LOXL2: variants seen among roughly 807,000 people sequenced by gnomAD.
LOXL2 encodes lysyl oxidase homolog 2.
In LOXL2, 70 loss-of-function variants were observed where a neutral mutation model predicts 93.0. That is an observed-to-expected ratio of 0.75 (90% CI 0.62 to 0.92). The LOEUF is 0.92. Ranked by LOEUF, LOXL2 falls within the 40% of genes least tolerant of loss-of-function variation. LOXL2 has a pLI of 0.00. For missense variants in LOXL2, 973 were observed against 1,054.9 expected (o/e 0.92, Z 1.08); for synonymous variants, 438 against 413.2 (o/e 1.06, Z -0.73).
At chr8:23,311,558 G>A (rs568835414) in intron 9 of LOXL2, among the ~76,000 whole-genome samples, 78 of 152,294 alleles carry the variant, frequency 5.1e-4, no homozygotes, top group Non-Finnish European at 1.1e-3. Context: ...GCGAGGGATC[G>A]TTAATGTACC....
chr8:23,346,692 C>A (rs960369247), intron 3 of LOXL2, among the ~76,000 whole-genome samples: 1 of 152,190 alleles, frequency 6.6e-6, no homozygotes, highest in Non-Finnish European at 1.5e-5. Flanking sequence ...GCAAGTCAAG[C>A]AAGCCAGCCT....
chr8:23,312,081 G>C lies in LOXL2; in HGVS notation c.1637-2170C>G, dbSNP rs113241169. Among the ~76,000 whole-genome samples, 794 of 152,178 alleles carry C rather than the reference G, an allele frequency of 5.2e-3. 10 individuals are homozygous for C. Among genetic ancestry groups the C allele is most frequent in the African/African-American group, 0.017 (685 of 41,496 alleles). The stretch of plus-strand genomic sequence containing the variant: ...GGATAAATTCCTCGACACATACACC[G>C]TCCCAAGACTAAACCAAGAAGAAGC... On this transcript the variant is annotated intron_variant, in intron 9 of 13. Transcript: ENST00000389131.
intron 3 of LOXL2, among the ~76,000 whole-genome samples, chr8:23,342,670 A>G (rs762731697): frequency 1.1e-4 from 17 of 152,240 alleles, no homozygotes; most frequent in Admixed American, 2.0e-4. Flanking sequence ...TGACCTCATG[A>G]TCAGCCCGCC....
chr8:23,302,935 G>C (rs915687036), intron 11 of LOXL2, among the ~76,000 whole-genome samples: 12 of 152,142 alleles, frequency 7.9e-5, no homozygotes, highest in Admixed American at 7.9e-4. Context: ...TGGGACACCA[G>C]AAAAAAGGTT....
At chr8:23,370,241 C>T (rs1056101815) in intron 1 of LOXL2, among the ~76,000 whole-genome samples, 1 of 152,184 alleles carries the variant, frequency 6.6e-6, no homozygotes, top group Non-Finnish European at 1.5e-5. Flanking sequence ...AACAACGCGC[C>T]TCCATCCCCT....
rs374072510 is a variant in LOXL2 at position 23,322,294 on chromosome 8, A to G, written c.1151-13T>C. On this transcript the variant is annotated splice_polypyrimidine_tract_variant and intron_variant, in intron 6 of 13. Transcript: ENST00000389131. ...ATGGGTCCGATCCCTGCAAGGGGAGAATAAACATGCTCTATGAAAGCTTTG... is the reference window on the plus strand; with the variant it reads ...ATGGGTCCGATCCCTGCAAGGGGAGGATAAACATGCTCTATGAAAGCTTTG... 1.2e-6 allele frequency: 2 copies of G among 1,610,120 alleles called. No homozygotes were observed. Among genetic ancestry groups the G allele is most frequent in the Non-Finnish European group, 1.7e-6 (2 of 1,177,464 alleles).
At chr8:23,315,123 T>A (rs1243568803) in intron 9 of LOXL2, among the ~76,000 whole-genome samples, 1 of 151,982 alleles carries the variant, frequency 6.6e-6, no homozygotes, top group African/African-American at 2.4e-5. Context: ...ACTGTAGGGA[T>A]CTCCTTTGCA....
intron 1 of LOXL2, among the ~76,000 whole-genome samples, chr8:23,382,804 C>T (rs990172696): frequency 2.6e-5 from 4 of 152,166 alleles, no homozygotes; most frequent in South Asian, 2.1e-4. Context: ...GCTAGAACTC[C>T]GTAATGCTTC....
At chr8:23,332,019 GA>G in intron 5 of LOXL2, 1 of 116,098 alleles carries the variant, frequency 8.6e-6, no homozygotes, top group East Asian at 2.5e-4. Flanking sequence ...CTGGCAACAA[GA>G]GTGAAACTCT....
At chr8:23,387,315 C>CAG (rs767939780) in intron 1 of LOXL2, among the ~76,000 whole-genome samples, 90 of 152,276 alleles carry the variant, frequency 5.9e-4, no homozygotes, top group Non-Finnish European at 5.0e-4. Context: ...CGGGGGGTAT[C>CAG]AGAGAGAGAT....
chr8:23,342,319 C>CA (rs1199317019), intron 3 of LOXL2, among the ~76,000 whole-genome samples: 2 of 152,206 alleles, frequency 1.3e-5, no homozygotes, highest in East Asian at 1.9e-4. Context: ...GGAAGCTCCC[C>CA]CCTAAATCAC....
chr8:23,396,704 ACC>A (rs1365680543), intron 1 of LOXL2, among the ~76,000 whole-genome samples: 2 of 152,062 alleles, frequency 1.3e-5, no homozygotes, highest in Non-Finnish European at 2.9e-5. Flanking sequence ...TCTCTTCCAA[ACC>A]CCCTCATGGT....
chr8:23,339,875 G>A (rs894760109), intron 4 of LOXL2, among the ~76,000 whole-genome samples: 1 of 152,188 alleles, frequency 6.6e-6, no homozygotes, highest in South Asian at 2.1e-4. Flanking sequence ...GTGAGGGGCT[G>A]GGGGCTGGGA....
intron 1 of LOXL2, among the ~76,000 whole-genome samples, chr8:23,381,883 CTG>C (rs1804685526): frequency 6.6e-6 from 1 of 152,230 alleles, no homozygotes; most frequent in East Asian, 1.9e-4. Context: ...GGGCACCTGA[CTG>C]GGCCCCCAAG....
intron 2 of LOXL2, among the ~76,000 whole-genome samples, chr8:23,362,724 C>T (rs1804321065): frequency 6.6e-6 from 1 of 151,890 alleles, no homozygotes; most frequent in Non-Finnish European, 1.5e-5. Context: ...ACAGGGAGAC[C>T]CTGTCTCCAG....
chr8:23,316,831 C>T, intron 9 of LOXL2, 118 bp downstream of exon 9: 1 of 1,060,232 alleles, frequency 9.4e-7, no homozygotes, highest in East Asian at 2.8e-5. Context: ...CTTAGGATTT[C>T]ATTCTACCTT....
At chr8:23,304,134 C>T (rs145935192) in intron 10 of LOXL2, among the ~76,000 whole-genome samples, 2,067 of 152,342 alleles carry the variant, frequency 0.014, 23 homozygotes, top group Non-Finnish European at 0.021. Context: ...CACACAGCAG[C>T]GGCAAAGGGA....
chr8:23,380,604 G>A (rs1804669043), intron 1 of LOXL2, among the ~76,000 whole-genome samples: 1 of 151,832 alleles, frequency 6.6e-6, no homozygotes. Context: ...AAACCCAGCT[G>A]CTTTTCTCTT....
chr8:23,304,166 G>GA (rs980939791), intron 10 of LOXL2, among the ~76,000 whole-genome samples: 6 of 152,376 alleles, frequency 3.9e-5, no homozygotes, highest in East Asian at 3.9e-4. Context: ...GGGGGTTCCA[G>GA]AAAAGAGTTC....
Sources: allele counts gnomAD v4.1 joint callset (sites outside exome capture counted in the v4.1 genomes callset), GRCh38; gene constraint gnomAD v4.1.1; transcripts MANE v1.5; gene names NCBI Gene and HGNC (gene_info 2026-07-23, HGNC 2026-07-21).